PACS1: variants seen among roughly 807,000 people sequenced by gnomAD.
PACS1 encodes PACS-1.
PACS1 carries 24 observed loss-of-function variants against 115.0 expected under a neutral mutation model. The ratio of observed to expected loss-of-function variants is 0.21; its 90% CI spans 0.15 to 0.29. The LOEUF (loss-of-function observed/expected upper bound fraction) is 0.29, where lower values mean the gene tolerates loss of function less well. PACS1 is among the 10% of genes least tolerant of loss of function. PACS1 has a pLI of 1.00. For synonymous variants in PACS1, 453 were observed against 504.5 expected (o/e 0.90, Z 1.37); for missense variants, 838 against 1,251.2 (o/e 0.67, Z 4.98).
At chr11:66,174,672 A>G (rs1859812245) in intron 1 of PACS1, among the ~76,000 whole-genome samples, 1 of 152,222 alleles carries the variant, frequency 6.6e-6, no homozygotes, top group Admixed American at 6.5e-5. Context: ...TGCAGTATCC[A>G]GAAAAGACAG....
At chr11:66,199,354 C>CTAT (rs1296694873) in intron 2 of PACS1, among the ~76,000 whole-genome samples, 1 of 150,684 alleles carries the variant, frequency 6.6e-6, no homozygotes, top group Non-Finnish European at 1.5e-5. Flanking sequence ...TGAAGTTGAA[C>CTAT]TATAGAGTTT....
At chr11:66,141,998 G>T (rs890665068) in intron 1 of PACS1, among the ~76,000 whole-genome samples, 6 of 151,986 alleles carry the variant, frequency 3.9e-5, no homozygotes, top group Non-Finnish European at 7.4e-5. Flanking sequence ...TAGAGACGGG[G>T]TTTCACCATT....
At chr11:66,162,447 G>A (rs919058534) in intron 1 of PACS1, among the ~76,000 whole-genome samples, 2 of 152,126 alleles carry the variant, frequency 1.3e-5, no homozygotes, top group South Asian at 4.1e-4. Context: ...AGGAAGGAGA[G>A]AGAGTTTTAA....
chr11:66,159,219 C>T (rs879498553), intron 1 of PACS1, among the ~76,000 whole-genome samples: 3 of 152,150 alleles, frequency 2.0e-5, no homozygotes, highest in Admixed American at 6.5e-5. Context: ...AGGTGGATCA[C>T]CTGAAGTCGG....
At chr11:66,232,038 T>A in intron 13 of PACS1, 134 bp from the exon 14 acceptor site, 1 of 615,744 alleles carries the variant, frequency 1.6e-6, no homozygotes, top group Non-Finnish European at 2.9e-6. Flanking sequence ...AGACTGAGTC[T>A]CCCTCCCAAA....
chr11:66,183,288 T>C (rs1417118906), intron 1 of PACS1, among the ~76,000 whole-genome samples: 3 of 152,210 alleles, frequency 2.0e-5, no homozygotes, highest in Non-Finnish European at 4.4e-5. Context: ...TTGTTGGTGT[T>C]ATTGAAGCTT....
intron 1 of PACS1, among the ~76,000 whole-genome samples, chr11:66,158,896 A>T (rs1261293844): frequency 6.6e-6 from 1 of 152,192 alleles, no homozygotes; most frequent in African/African-American, 2.4e-5. Flanking sequence ...GAAAAAAGTG[A>T]TGAAAAAGAC....
intron 1 of PACS1, among the ~76,000 whole-genome samples, chr11:66,144,801 T>G (rs1438628425): frequency 6.6e-6 from 1 of 152,098 alleles, no homozygotes; most frequent in Non-Finnish European, 1.5e-5. Flanking sequence ...GCCCAGCTAA[T>G]TTTTTGTATT....
intron 1 of PACS1, among the ~76,000 whole-genome samples, chr11:66,149,679 CGTGTGT>C (rs57522847): frequency 5.1e-5 from 6 of 118,378 alleles, no homozygotes; most frequent in East Asian, 2.1e-4. Flanking sequence ...ATCTTGTGTT[CGTGTGT>C]GTGTGTGTGT....
At chr11:66,130,390 C>G (rs751263273) in intron 1 of PACS1, among the ~76,000 whole-genome samples, 12 of 152,020 alleles carry the variant, frequency 7.9e-5, no homozygotes, top group Non-Finnish European at 1.8e-4. Context: ...ACTTTTTCTT[C>G]CAATTAAAAA....
At chr11:66,202,742 A>AATATATATAT (rs56203680) in intron 2 of PACS1, among the ~76,000 whole-genome samples, 42 of 71,516 alleles carry the variant, frequency 5.9e-4, no homozygotes, top group African/African-American at 1.7e-3. Flanking sequence ...AAAAAAAAAA[A>AATATATATAT]ATATATATAT....
chr11:66,136,643 C>T (rs777718530), intron 1 of PACS1, among the ~76,000 whole-genome samples: 8 of 152,144 alleles, frequency 5.3e-5, no homozygotes, highest in Admixed American at 2.0e-4. Flanking sequence ...TCATGCCTTC[C>T]AAAAAACTTC....
intron 2 of PACS1, among the ~76,000 whole-genome samples, chr11:66,207,763 CTTTTG>C (rs1019373101): frequency 9.9e-5 from 15 of 151,552 alleles, no homozygotes; most frequent in African/African-American, 3.4e-4. Context: ...ATAATCTTGG[CTTTTG>C]TTTTGTTTTG....
At chr11:66,071,275 T>C (rs1388528311) in intron 1 of PACS1, among the ~76,000 whole-genome samples, 3 of 152,230 alleles carry the variant, frequency 2.0e-5, no homozygotes, top group Non-Finnish European at 4.4e-5. Flanking sequence ...CTCTTGCAGG[T>C]AAAGCTCATA....
chr11:66,171,272 C>T, intron 1 of PACS1, among the ~76,000 whole-genome samples: 1 of 149,756 alleles, frequency 6.7e-6, no homozygotes, highest in African/African-American at 2.5e-5. Context: ...TTATCTATTC[C>T]AGCTTTCTTT....
At chr11:66,196,543 T>G (rs756043188) in intron 2 of PACS1, among the ~76,000 whole-genome samples, 4 of 152,214 alleles carry the variant, frequency 2.6e-5, no homozygotes, top group Non-Finnish European at 5.9e-5. Context: ...TCCTTAAAAT[T>G]GAACAGAGTT....
In PACS1 at chr11:66,230,960, A is replaced by G. The variant is rs200284391; in HGVS notation, c.1626+20A>G. 42 of 1,613,286 alleles carry G rather than the reference A, an allele frequency of 2.6e-5. No homozygotes were observed. Among genetic ancestry groups the G allele is most frequent in the Non-Finnish European group, 3.5e-5 (41 of 1,179,966 alleles). ...ACGCAGGTACTTCTGGGTGCCCCCA[A>G]AACACCAGGACCCTCTGAGATTCCC... On this transcript the variant is annotated intron_variant, in intron 13 of 23. Coordinates refer to ENST00000320580, the MANE Select transcript of PACS1 (RefSeq NM_018026.4).
At chr11:66,167,760 C>T (rs1257261355) in intron 1 of PACS1, among the ~76,000 whole-genome samples, 1 of 149,642 alleles carries the variant, frequency 6.7e-6, no homozygotes, top group Non-Finnish European at 1.5e-5. Flanking sequence ...TATTTTTTTT[C>T]CCAGTTATTG....
chr11:66,075,738 CTTT>C (rs756089252), intron 1 of PACS1, among the ~76,000 whole-genome samples: 2 of 134,110 alleles, frequency 1.5e-5, no homozygotes, highest in Non-Finnish European at 1.6e-5. Context: ...ATTAAAAGTC[CTTT>C]TTTTTTTTTT....
Sources: allele counts gnomAD v4.1 joint callset (sites outside exome capture counted in the v4.1 genomes callset), GRCh38; gene constraint gnomAD v4.1.1; transcripts MANE v1.5; gene names NCBI Gene and HGNC (gene_info 2026-07-23, HGNC 2026-07-21).